LMBRD1: variants seen among roughly 807,000 people sequenced by gnomAD.
The protein encoded by LMBRD1 is LMBR1 domain containing 1, also known as lysosomal cobalamin transport escort protein LMBD1.
In LMBRD1, 64 loss-of-function variants were observed where a neutral mutation model predicts 74.8. The ratio of observed to expected loss-of-function variants is 0.86; its 90% CI spans 0.70 to 1.05. The LOEUF (loss-of-function observed/expected upper bound fraction) is 1.05. LMBRD1 is among the 50% of genes least tolerant of loss of function. The pLI, the probability that LMBRD1 is intolerant of heterozygous loss-of-function variation, is 0.00. For synonymous variants in LMBRD1, 204 were observed against 216.3 expected, an observed-to-expected ratio of 0.94 and a Z score of 0.50; for missense variants, 652 against 645.9, an observed-to-expected ratio of 1.01 and a Z score of -0.10.
Position 69,725,972 on chromosome 6 carries a change from T to C in LMBRD1, c.637-6891A>G, listed in dbSNP as rs143631019. On this transcript the variant is annotated intron_variant, in intron 7 of 15. Coordinates refer to ENST00000649934, the MANE Select transcript of LMBRD1 (RefSeq NM_018368.4). Reference sequence around the variant, plus strand: ...CAAGGCACAGAATGGGAGAAAATATTTGCAAACTACCATATGACAAGTGAT... The same window carrying C: ...CAAGGCACAGAATGGGAGAAAATATCTGCAAACTACCATATGACAAGTGAT... 3.4e-3 allele frequency among the ~76,000 whole-genome samples: 515 copies of C among 152,214 alleles called. 5 individuals are homozygous for C. The highest frequency in any genetic ancestry group is 0.011 in the African/African-American group (475 of 41,536).
intron 5 of LMBRD1, among the ~76,000 whole-genome samples, chr6:69,745,538 G>T (rs113689118): frequency 0.097 from 14,768 of 152,072 alleles, 1,911 homozygotes; most frequent in African/African-American, 0.3. Context: ...GATTACAGGC[G>T]TGAGCCACCG....
chr6:69,696,881 C>A (rs1436225408), intron 14 of LMBRD1, among the ~76,000 whole-genome samples: 2 of 151,782 alleles, frequency 1.3e-5, no homozygotes, highest in African/African-American at 2.4e-5. Context: ...ATTACTTTAC[C>A]ATAAAATAAA....
intron 14 of LMBRD1, among the ~76,000 whole-genome samples, chr6:69,677,507 A>G (rs1765572659): frequency 6.6e-6 from 1 of 152,044 alleles, no homozygotes; most frequent in Non-Finnish European, 1.5e-5. Flanking sequence ...CTTGGGAGAG[A>G]AAGGGGAACA....
At chr6:69,736,230 T>C (rs1264160843) in intron 7 of LMBRD1, among the ~76,000 whole-genome samples, 1 of 152,134 alleles carries the variant, frequency 6.6e-6, no homozygotes, top group Admixed American at 6.6e-5. Context: ...TTTTCTGTAC[T>C]ATCTTTTCAA....
At position 69,713,635 on chromosome 6, in the gene LMBRD1, C is replaced by CTTCATT. The variant is rs2149852995; in HGVS notation, c.915+4_915+9dup. On this transcript the variant is annotated intron_variant, in intron 9 of 15. Coordinates refer to ENST00000649934, the MANE Select transcript of LMBRD1 (RefSeq NM_018368.4). ...AGAGTGACAGCATAATTTTTAAAAA[C>CTTCATT]TTCATTTACCTTCAGGGGACGCAGA... The CTTCATT allele has an allele frequency of 6.2e-7, 1 of 1,612,974 alleles. No homozygotes were observed. The highest frequency in any genetic ancestry group is 1.1e-5 in the South Asian group (1 of 91,032).
At chr6:69,781,497 G>A (rs557365741) in intron 2 of LMBRD1, among the ~76,000 whole-genome samples, 29 of 152,186 alleles carry the variant, frequency 1.9e-4, no homozygotes, top group African/African-American at 6.7e-4. Flanking sequence ...ATTCTCTTAA[G>A]ATAATTAAGG....
In LMBRD1 at chr6:69,780,517, T is replaced by A. The variant is rs756284919; in HGVS notation, c.284A>T (p.Asp95Val). The A allele has an allele frequency of 2.5e-6, 4 of 1,610,976 alleles. No individual in the cohort carries two copies. In the East Asian group the frequency reaches 6.7e-5, roughly 27 times the overall value. ...ANANVSRQIE[D>V]TVLYGYYTLY... ...ACTATAGTAACCGTATAATACAGTGTCCTCAATCTGTCTGCTGACATTAGC... is the reference window on the plus strand; with the variant it reads ...ACTATAGTAACCGTATAATACAGTGACCTCAATCTGTCTGCTGACATTAGC... Residue 95 changes from aspartate (D) to valine (V), a missense_variant, in exon 3 of 16, where the codon GAC becomes GTC. Asp to Val is a radical substitution (Grantham distance 152). Transcript: ENST00000649934.
At chr6:69,745,282 C>G (rs1199355321) in intron 5 of LMBRD1, among the ~76,000 whole-genome samples, 1 of 142,892 alleles carries the variant, frequency 7.0e-6, no homozygotes, top group Admixed American at 7.2e-5. Context: ...GACGGAGTCT[C>G]GCTCTGTCGC....
chr6:69,675,442 T>C lies in LMBRD1; in HGVS notation c.*716A>G, dbSNP rs1164171469. Among the ~76,000 whole-genome samples the C allele has an allele frequency of 2.6e-5, 4 of 152,148 alleles. No individual in the cohort carries two copies. The highest frequency in any genetic ancestry group is 2.6e-4 in the Admixed American group (4 of 15,266). ...AAATTAATCCATAAACTGATTTTTTTTTCCAGGATTAATTATTCTTGACAA... is the reference window on the plus strand; with the variant it reads ...AAATTAATCCATAAACTGATTTTTTCTTCCAGGATTAATTATTCTTGACAA... On this transcript the variant is annotated 3_prime_UTR_variant, in exon 16 of 16. Transcript: ENST00000649934.
At chr6:69,711,876 T>C (rs1476212791) in intron 9 of LMBRD1, among the ~76,000 whole-genome samples, 2 of 152,034 alleles carry the variant, frequency 1.3e-5, no homozygotes, top group African/African-American at 2.4e-5. Context: ...CAAATGCAGG[T>C]TTGCTACATA....
chr6:69,780,367 A>G, intron 3 of LMBRD1, 127 bp downstream of exon 3: 1 of 726,396 alleles, frequency 1.4e-6, no homozygotes, highest in Non-Finnish European at 2.5e-6. Context: ...AAACTACTCC[A>G]TGTGTGTCCA....
At chr6:69,786,587 C>G (rs1158121093) in intron 2 of LMBRD1, among the ~76,000 whole-genome samples, 1 of 151,682 alleles carries the variant, frequency 6.6e-6, no homozygotes, top group Non-Finnish European at 1.5e-5. Flanking sequence ...TCCAGCTGTA[C>G]TCTAAAAGGT....
Position 69,790,332 on chromosome 6 carries a change from CA to C in LMBRD1, c.209del (p.Leu70TrpfsTer5). The C allele has an allele frequency of 6.2e-7, 1 of 1,612,894 alleles. No homozygotes were observed. Among genetic ancestry groups the C allele is most frequent in the Non-Finnish European group, 8.5e-7 (1 of 1,179,212 alleles). On this transcript the variant is annotated frameshift_variant, in exon 2 of 16. Transcript: ENST00000649934. LOFTEE classifies it high-confidence loss of function. ...CATTTTGATTTTTCATGTAAGAAACCAAAAATATATCCACTGGTAGAAGTGC... is the reference window on the plus strand; with the variant it reads ...CATTTTGATTTTTCATGTAAGAAACCAAAATATATCCACTGGTAGAAGTGC... ...TSALLPVDIF[L>X]VSYMKNQNGT...
chr6:69,742,172 T>A (rs1767120014), intron 5 of LMBRD1, among the ~76,000 whole-genome samples: 1 of 152,064 alleles, frequency 6.6e-6, no homozygotes, highest in African/African-American at 2.4e-5. Context: ...TATAATATTT[T>A]GAGAATGGAC....
intron 14 of LMBRD1, among the ~76,000 whole-genome samples, chr6:69,677,534 G>A (rs1765573231): frequency 6.6e-6 from 1 of 152,112 alleles, no homozygotes; most frequent in Admixed American, 6.6e-5. Context: ...AGAAGGGCAA[G>A]GGAAGGTTGA....
At chr6:69,780,288 GT>G (rs767056541) in intron 3 of LMBRD1, among the ~76,000 whole-genome samples, 16 of 151,994 alleles carry the variant, frequency 1.1e-4, no homozygotes, top group Admixed American at 3.3e-4. Flanking sequence ...CCCTCCCTCT[GT>G]CTCTGTACAG....
At position 69,796,926 on chromosome 6, in the gene LMBRD1, A is replaced by G; in HGVS notation, c.-45T>C. The G allele has an allele frequency of 7.4e-7, 1 of 1,351,140 alleles. No individual in the cohort carries two copies. The highest frequency in any genetic ancestry group is 1.2e-5 in the South Asian group (1 of 85,396). 83.7% of individuals were successfully genotyped at this position (1,351,140 alleles called of 1,614,324 possible). On this transcript the variant is annotated 5_prime_UTR_variant, in exon 1 of 16. Coordinates refer to ENST00000649934, the MANE Select transcript of LMBRD1 (RefSeq NM_018368.4). ...CAACCTGAGCGCCCGGGGTGGGGAA[A>G]GGGGAGGGGGAAAGGGGAGAGAGCG...
At chr6:69,764,119 C>A (rs946463496) in intron 3 of LMBRD1, among the ~76,000 whole-genome samples, 11 of 152,172 alleles carry the variant, frequency 7.2e-5, no homozygotes, top group African/African-American at 2.7e-4. Context: ...GACATGGATT[C>A]TGGGCTGCCA....
At chr6:69,736,198 CT>C (rs1335667023) in intron 7 of LMBRD1, among the ~76,000 whole-genome samples, 13 of 152,164 alleles carry the variant, frequency 8.5e-5, no homozygotes, top group Non-Finnish European at 1.9e-4. Flanking sequence ...TTGACCCCCC[CT>C]CCGCCGACCC....
Sources: gnomAD v4.1 joint callset for allele counts (sites outside exome capture counted in the v4.1 genomes callset) on GRCh38, gnomAD v4.1.1 for gene constraint, MANE v1.5 for transcripts, NCBI Gene and HGNC (gene_info 2026-07-23, HGNC 2026-07-21) for gene names.